Variants in PRRC2B observed in about 807,000 individuals in gnomAD.
The protein encoded by PRRC2B is proline rich coiled-coil 2B, also known as protein PRRC2B.
In PRRC2B, 68 loss-of-function variants were observed where a neutral mutation model predicts 242.3. The observed-to-expected ratio is 0.28, with a 90% CI of 0.23 to 0.34. The LOEUF is 0.34. Ranked by LOEUF, PRRC2B falls within the 10% of genes least tolerant of loss-of-function variation. The pLI, the probability that PRRC2B is intolerant of heterozygous loss-of-function variation, is 1.00. For synonymous variants in PRRC2B, 1,228 were observed against 1,173.6 expected (o/e 1.05, Z -0.95); for missense variants, 2,835 against 2,954.8 (o/e 0.96, Z 0.94).
At chr9:131,394,633 G>A (rs1382557153) in intron 1 of PRRC2B, among the ~76,000 whole-genome samples, 1 of 151,252 alleles carries the variant, frequency 6.6e-6, no homozygotes, top group Non-Finnish European at 1.5e-5. Flanking sequence ...CGGGGGTCCC[G>A]GGCCCGCAGC....
intron 1 of PRRC2B, among the ~76,000 whole-genome samples, chr9:131,382,802 G>A (rs1489117628): frequency 6.6e-6 from 1 of 151,996 alleles, no homozygotes; most frequent in African/African-American, 2.4e-5. Flanking sequence ...GCACCACCAC[G>A]CCCGGCTAAT....
Position 131,476,284 on chromosome 9 carries a change from G to A in PRRC2B, c.4155G>A (p.Glu1385=). The A allele has an allele frequency of 6.3e-7, 1 of 1,583,362 alleles. No homozygotes were observed. The highest frequency in any genetic ancestry group is 8.6e-7 in the Non-Finnish European group (1 of 1,165,440). Reference sequence around the variant, plus strand: ...CCTCCGAAAGCAGCGACTTCAGCGAGCGGCGGGAGCGGCGGGAAGGCCCTG... The same window carrying A: ...CCTCCGAAAGCAGCGACTTCAGCGAACGGCGGGAGCGGCGGGAAGGCCCTG... The part of the protein sequence containing the change: ...ETASESSDFS[E]RRERREGPGS... Residue 1385 remains glutamate (E), a synonymous_variant, in exon 16 of 32, where the codon GAG becomes GAA. Transcript: ENST00000683519.
rs199806950 is a variant in PRRC2B, at chr9:131,483,405, G to A, written c.5420G>A (p.Gly1807Glu). Reference sequence around the variant, plus strand: ...CCTGGTTCTGCCTCTGGTCCTACTGGGAGTCCAGTTGTTAAACTTCAGGAT... The same window carrying A: ...CCTGGTTCTGCCTCTGGTCCTACTGAGAGTCCAGTTGTTAAACTTCAGGAT... ...LPPGSASGPT[G>E]SPVVKLQDAL... Residue 1807 changes from glycine to glutamate, a missense_variant, in exon 23 of 32, where the codon GGG (glycine) becomes GAG (glutamate). Transcript: ENST00000683519. 1.7e-5 allele frequency: 27 copies of A among 1,613,874 alleles called. No individual in the cohort carries two copies. The Admixed American group carries it at 2.7e-4, about 16-fold the overall frequency.
At chr9:131,458,984 C>G (rs1301361621) in intron 10 of PRRC2B, among the ~76,000 whole-genome samples, 180 bp from the exon 11 acceptor site, 2 of 152,112 alleles carry the variant, frequency 1.3e-5, no homozygotes, top group Admixed American at 1.3e-4. Context: ...ATGAGAGTGA[C>G]TTGATAAATG....
intron 4 of PRRC2B, among the ~76,000 whole-genome samples, chr9:131,437,217 A>G (rs1838404387): frequency 6.6e-6 from 1 of 152,222 alleles, no homozygotes; most frequent in Non-Finnish European, 1.5e-5. Flanking sequence ...CTCTCTGAGA[A>G]GAGGATATAA....
chr9:131,433,090 C>G (rs1195800166), intron 3 of PRRC2B, among the ~76,000 whole-genome samples: 1 of 152,182 alleles, frequency 6.6e-6, no homozygotes, highest in Non-Finnish European at 1.5e-5. Flanking sequence ...TAGGAAAGGC[C>G]TCATCACCCC....
chr9:131,481,960 A>G lies in PRRC2B; in HGVS notation c.4983+152A>G, dbSNP rs148115697. ...TTGTTTCCATGGGGCCAAGCTCATC[A>G]GTGGTTTTCCATCTTGATTTCTGGC... is the stretch of plus-strand genomic sequence containing the variant. On this transcript the variant is annotated intron_variant, in intron 20 of 31. Coordinates refer to ENST00000683519, the MANE Select transcript of PRRC2B (RefSeq NM_013318.4). Among the ~76,000 whole-genome samples the G allele has an allele frequency of 4.6e-5, 7 of 152,326 alleles. No homozygotes were observed. In the East Asian group the frequency reaches 1.3e-3, roughly 29 times the overall value.
chr9:131,490,657 TC>T (rs1408012969), intron 28 of PRRC2B: 1 of 514,444 alleles, frequency 1.9e-6, no homozygotes, highest in Non-Finnish European at 3.9e-6. Flanking sequence ...CATATCTTGT[TC>T]TAGTTAGTTA....
Position 131,474,574 on chromosome 9 carries a change from C to T in PRRC2B, c.2445C>T (p.Asp815=), listed in dbSNP as rs1307107461. The change falls in exon 16 of 32, where the codon GAC becomes GAT. Residue 815 remains aspartate, a synonymous_variant. Transcript: ENST00000683519. The part of the protein sequence containing the change: ...LSAFDKKAQA[D]FDSCISSQRI... ...CTTTTGACAAGAAGGCCCAAGCAGACTTTGACAGCTGTATCTCTTCTCAAA... is the reference window on the plus strand; with the variant it reads ...CTTTTGACAAGAAGGCCCAAGCAGATTTTGACAGCTGTATCTCTTCTCAAA... 3 of 1,613,988 alleles carry T rather than the reference C, an allele frequency of 1.9e-6. No individual in the cohort carries two copies. The highest frequency in any genetic ancestry group is 2.2e-5 in the South Asian group (2 of 91,082).
chr9:131,478,650 C>CG, intron 18 of PRRC2B, 31 bp downstream of exon 18: 1 of 1,271,210 alleles, frequency 7.9e-7, no homozygotes, highest in East Asian at 2.5e-5. Context: ...GGGCATGGGG[C>CG]TGGAGGGCAG....
Position 131,476,462 on chromosome 9 carries a change from G to A in PRRC2B, c.4333G>A (p.Val1445Ile), listed in dbSNP as rs183123525. ...LEPGGFGEKPVRPGGGDTSPR... is the reference protein window; with the variant it reads ...LEPGGFGEKPIRPGGGDTSPR... ...GCCGGGAGGGTTTGGGGAGAAGCCC[G>A]TTAGGCCAGGTGGTGGTGACACCTC... Residue 1445 changes from valine to isoleucine, a missense_variant, in exon 16 of 32, where the codon GTT becomes ATT. By Grantham distance (29) the Val-to-Ile change is conservative. Transcript: ENST00000683519. 29 of 1,613,280 alleles carry A rather than the reference G, an allele frequency of 1.8e-5. No individual in the cohort carries two copies. The highest frequency in any genetic ancestry group is 1.6e-4 in the East Asian group (7 of 44,874).
chr9:131,447,874 A>C, intron 9 of PRRC2B, 70 bp downstream of exon 9: 1 of 1,460,480 alleles, frequency 6.8e-7, no homozygotes, highest in Non-Finnish European at 9.3e-7. Context: ...AGGGATGGAA[A>C]CCCCCTGGCA....
intron 1 of PRRC2B, among the ~76,000 whole-genome samples, chr9:131,415,474 G>A (rs1474621556): frequency 6.6e-6 from 1 of 152,260 alleles, no homozygotes; most frequent in African/African-American, 2.4e-5. Flanking sequence ...CATCAGGAAG[G>A]AGGAAGGGAG....
intron 1 of PRRC2B, among the ~76,000 whole-genome samples, chr9:131,388,877 G>A (rs1177616846): frequency 3.0e-5 from 3 of 101,434 alleles, no homozygotes; most frequent in Middle Eastern, 0.01. Flanking sequence ...GTCTCGCTCC[G>A]TTGCCCAGGC....
chr9:131,402,965 G>A (rs74875584), intron 1 of PRRC2B, among the ~76,000 whole-genome samples: 6 of 152,194 alleles, frequency 3.9e-5, no homozygotes, highest in South Asian at 2.1e-4. Flanking sequence ...TTCCCGACAC[G>A]CTTCAGGATC....
chr9:131,448,556 A>AAAAAACAAAAAAAAC (rs1564287306), intron 9 of PRRC2B, among the ~76,000 whole-genome samples: 2 of 127,210 alleles, frequency 1.6e-5, no homozygotes, highest in Non-Finnish European at 1.7e-5. Context: ...AAAAAAAAAA[A>AAAAAACAAAAAAAAC]AAAAAAAAAA....
intron 1 of PRRC2B, among the ~76,000 whole-genome samples, chr9:131,404,866 CTG>C (rs775499948): frequency 8.5e-5 from 13 of 152,318 alleles, no homozygotes; most frequent in Non-Finnish European, 1.6e-4. Context: ...TTTGGTCAAA[CTG>C]TACCAGATTT....
chr9:131,440,437 T>C (rs997770840), intron 5 of PRRC2B, among the ~76,000 whole-genome samples: 8 of 152,218 alleles, frequency 5.3e-5, no homozygotes, highest in African/African-American at 1.9e-4. Context: ...TATTAATTTT[T>C]ATTTAAAAAG....
At position 131,424,667 on chromosome 9, in the gene PRRC2B, C is replaced by T. The variant is rs567143011; in HGVS notation, c.-51-5427C>T. ...TGCCACTGCACTCCAGCCCGGGCGA[C>T]AGTGTGAGCCTCTGTCTCAAAAAAA... On this transcript the variant is annotated intron_variant, in intron 1 of 31. Coordinates refer to ENST00000683519, the MANE Select transcript of PRRC2B (RefSeq NM_013318.4). 5.1e-3 allele frequency among the ~76,000 whole-genome samples: 781 copies of T among 152,182 alleles called. 5 individuals are homozygous for T. The highest frequency in any genetic ancestry group is 8.6e-3 in the Non-Finnish European group (584 of 68,016).
Sources: gnomAD v4.1 joint callset for allele counts (sites outside exome capture counted in the v4.1 genomes callset) on GRCh38, gnomAD v4.1.1 for gene constraint, MANE v1.5 for transcripts, NCBI Gene and HGNC (gene_info 2026-07-23, HGNC 2026-07-21) for gene names.